SKAP1: variants seen among roughly 807,000 people sequenced by gnomAD.
The protein encoded by SKAP1 is src kinase associated phosphoprotein 1.
SKAP1 carries 44 observed loss-of-function variants against 58.5 expected under a neutral mutation model. The observed-to-expected ratio is 0.75, with a 90% CI of 0.59 to 0.97. The LOEUF is 0.97. Among genes scored for constraint, SKAP1 ranks in the 50% least tolerant of loss-of-function variants. SKAP1 has a pLI of 0.00. For missense variants in SKAP1, 390 were observed against 435.2 expected (o/e 0.90, Z 0.92); for synonymous variants, 127 against 149.7 (o/e 0.85, Z 1.11).
chr17:48,253,537 GGTT>G (rs983712792), intron 4 of SKAP1, among the ~76,000 whole-genome samples: 3 of 152,150 alleles, frequency 2.0e-5, no homozygotes, highest in East Asian at 3.8e-4. Context: ...GAGATATTAT[GGTT>G]GTTGTTTTCT....
intron 1 of SKAP1, among the ~76,000 whole-genome samples, chr17:48,408,702 T>C (rs1364674166): frequency 6.6e-6 from 1 of 152,186 alleles, no homozygotes; most frequent in Non-Finnish European, 1.5e-5. Context: ...AAAAATGTCA[T>C]CTAATGGTAT....
At chr17:48,422,908 T>C (rs574196595) in intron 1 of SKAP1, among the ~76,000 whole-genome samples, 1 of 152,174 alleles carries the variant, frequency 6.6e-6, no homozygotes, top group Admixed American at 6.5e-5. Flanking sequence ...ATGAAAGCAA[T>C]GACAGATGAG....
chr17:48,408,093 ATTTC>A (rs1347637591), intron 1 of SKAP1, among the ~76,000 whole-genome samples: 1 of 152,170 alleles, frequency 6.6e-6, no homozygotes, highest in African/African-American at 2.4e-5. Context: ...AGTGCTTTTA[ATTTC>A]TTTCTTTGTA....
intron 4 of SKAP1, among the ~76,000 whole-genome samples, chr17:48,217,292 T>A (rs988021318): frequency 6.6e-6 from 1 of 152,184 alleles, no homozygotes; most frequent in African/African-American, 2.4e-5. Context: ...TGGGTAACTT[T>A]ATCTCCCAGA....
At chr17:48,325,901 T>C (rs2066430883) in intron 4 of SKAP1, among the ~76,000 whole-genome samples, 1 of 152,214 alleles carries the variant, frequency 6.6e-6, no homozygotes, top group South Asian at 2.1e-4. Context: ...ACAAAAGTGC[T>C]CTACCAGATA....
intron 2 of SKAP1, among the ~76,000 whole-genome samples, chr17:48,364,676 A>G (rs953639745): frequency 2.0e-5 from 3 of 152,282 alleles, no homozygotes; most frequent in Non-Finnish European, 4.4e-5. Flanking sequence ...CTCCATCTCA[A>G]CAAAACAAAA....
chr17:48,405,645 T>G (rs2067572457), intron 1 of SKAP1, among the ~76,000 whole-genome samples: 1 of 151,314 alleles, frequency 6.6e-6, no homozygotes, highest in Non-Finnish European at 1.5e-5. Flanking sequence ...GGATTACAGG[T>G]GCCCGCCACC....
intron 1 of SKAP1, among the ~76,000 whole-genome samples, chr17:48,410,113 T>G (rs1230988487): frequency 6.6e-6 from 1 of 152,210 alleles, no homozygotes; most frequent in African/African-American, 2.4e-5. Flanking sequence ...GGGTTAACAA[T>G]TCTTATACCG....
intron 9 of SKAP1, among the ~76,000 whole-genome samples, chr17:48,174,666 C>T (rs948186251): frequency 1.2e-4 from 18 of 152,096 alleles, no homozygotes; most frequent in Middle Eastern, 3.2e-3. Flanking sequence ...ATTTTTTAGG[C>T]TAAAGAGCTT....
At chr17:48,321,254 C>A (rs2066358598) in intron 4 of SKAP1, among the ~76,000 whole-genome samples, 1 of 151,986 alleles carries the variant, frequency 6.6e-6, no homozygotes, top group Admixed American at 6.6e-5. Flanking sequence ...GTAACTTGTT[C>A]AAGATAGAGA....
intron 4 of SKAP1, among the ~76,000 whole-genome samples, chr17:48,312,820 C>G (rs971810610): frequency 6.6e-6 from 1 of 152,144 alleles, no homozygotes; most frequent in Non-Finnish European, 1.5e-5. Flanking sequence ...ATTCTGTAAA[C>G]AAGTCAGGAA....
intron 12 of SKAP1, among the ~76,000 whole-genome samples, chr17:48,135,631 C>G (rs995225603): frequency 6.6e-6 from 1 of 152,068 alleles, no homozygotes; most frequent in Non-Finnish European, 1.5e-5. Flanking sequence ...ACGTGCACCA[C>G]CACACGTGGC....
chr17:48,226,065 C>T (rs2042052096), intron 4 of SKAP1, among the ~76,000 whole-genome samples: 1 of 152,148 alleles, frequency 6.6e-6, no homozygotes, highest in Admixed American at 6.5e-5. Flanking sequence ...CATAGACCAT[C>T]CATCACTGAC....
intron 4 of SKAP1, among the ~76,000 whole-genome samples, chr17:48,193,318 C>T (rs1201754828): frequency 6.6e-6 from 1 of 152,208 alleles, no homozygotes; most frequent in Non-Finnish European, 1.5e-5. Context: ...GCTGGGATTA[C>T]AGGCATGAGC....
chr17:48,371,077 T>C (rs2067078413), intron 2 of SKAP1, among the ~76,000 whole-genome samples: 1 of 152,064 alleles, frequency 6.6e-6, no homozygotes, highest in Admixed American at 6.6e-5. Flanking sequence ...GAGCTAAACA[T>C]TAGGTACTTA....
rs1349217723 is a variant in SKAP1, at chr17:48,133,738, G to A, written c.*86C>T. ...AAAGAGAGGAGTCCAAGGCGTTGGT[G>A]GGGTGGCAGAAGTAGGGAGTGGGAA... is the stretch of plus-strand genomic sequence containing the variant. On this transcript the variant is annotated 3_prime_UTR_variant, in exon 13 of 13. Transcript: ENST00000336915. 6.6e-6 allele frequency: 1 copy of A among 152,598 alleles called. No individual in the cohort carries two copies. The highest frequency in any genetic ancestry group is 1.5e-5 in the Non-Finnish European group (1 of 68,026). The allele number at this position is 152,598 out of a possible 1,614,324, so 9.5% of individuals were successfully genotyped here. A position where few individuals can be genotyped will look rare whatever the true frequency, so the allele number is the denominator to read the frequency against.
intron 4 of SKAP1, among the ~76,000 whole-genome samples, chr17:48,336,788 C>A (rs2066577069): frequency 6.6e-6 from 1 of 152,136 alleles, no homozygotes; most frequent in South Asian, 2.1e-4. Flanking sequence ...TAAGCTCTGA[C>A]AATCTCTAGG....
chr17:48,225,899 G>A (rs1598444032), intron 4 of SKAP1, among the ~76,000 whole-genome samples: 1 of 152,166 alleles, frequency 6.6e-6, no homozygotes, highest in African/African-American at 2.4e-5. Flanking sequence ...CAATCCCAAC[G>A]ATTCATCATG....
chr17:48,260,630 G>GGT, intron 4 of SKAP1, among the ~76,000 whole-genome samples: 1 of 151,848 alleles, frequency 6.6e-6, no homozygotes, highest in Non-Finnish European at 1.5e-5. Context: ...ACACTGGAGG[G>GGT]GTGTGTGTGT....
Sources: allele counts gnomAD v4.1 joint callset (sites outside exome capture counted in the v4.1 genomes callset), GRCh38; gene constraint gnomAD v4.1.1; transcripts MANE v1.5; gene names NCBI Gene and HGNC (gene_info 2026-07-23, HGNC 2026-07-21).